The following DNAJC13 variants were observed in gnomAD, a reference collection of about 807,000 sequenced individuals.
The protein encoded by DNAJC13 is DnaJ heat shock protein family (Hsp40) member C13.
A neutral mutation model predicts 290.5 loss-of-function variants in DNAJC13; 75 were observed. The observed-to-expected ratio is 0.26, with a 90% CI of 0.21 to 0.31. The LOEUF is 0.31. DNAJC13 is among the 10% of genes least tolerant of loss of function. DNAJC13 has a pLI of 1.00. For missense variants in DNAJC13, 2,260 were observed against 2,674.5 expected (o/e 0.85, Z 3.42); for synonymous variants, 862 against 892.0 (o/e 0.97, Z 0.60).
chr3:132,470,611 G>A (rs1263543235), intron 20 of DNAJC13, among the ~76,000 whole-genome samples: 3 of 130,816 alleles, frequency 2.3e-5, no homozygotes, highest in East Asian at 4.7e-4. Context: ...TGGCCGGGCG[G>A]GGGGGCTGAC....
chr3:132,505,410 A>T lies in DNAJC13; in HGVS notation c.4993A>T (p.Lys1665Ter), dbSNP rs1431326559. The change falls in exon 42 of 56, where the codon AAA (lysine) becomes TAA (stop). Residue 1665 changes from lysine to a stop codon, truncating the protein, a stop_gained. Coordinates refer to ENST00000260818, the MANE Select transcript of DNAJC13 (RefSeq NM_015268.4). LOFTEE classifies it high-confidence loss of function. ...TGAATCCCAACAAGAAAACATGATT[A>T]AAAAAGTATGTTATTGTTTTATAAA... The part of the protein sequence containing the change: ...FLESQQENMI[K>*]KGDCDKTYGS... 18 of 1,568,444 alleles carry T rather than the reference A, an allele frequency of 1.1e-5. No homozygotes were observed. Among genetic ancestry groups the T allele is most frequent in the African/African-American group, 2.7e-5 (2 of 73,638 alleles).
In DNAJC13 at chr3:132,455,053, A is replaced by G. The variant is rs911481707; in HGVS notation, c.932+896A>G. 4.6e-5 allele frequency among the ~76,000 whole-genome samples: 7 copies of G among 152,218 alleles called. No homozygotes were observed. The East Asian group carries it at 1.3e-3, about 29-fold the overall frequency. ...TGTTAGTTAGACTTCATTAAAATTT[A>G]GAACTTTGACACCATTTAGAAAAAG... On this transcript the variant is annotated intron_variant, in intron 9 of 55. Transcript: ENST00000260818.
chr3:132,511,291 C>A, intron 44 of DNAJC13, 47 bp downstream of exon 44: 1 of 1,564,058 alleles, frequency 6.4e-7, no homozygotes, highest in South Asian at 1.2e-5. Flanking sequence ...AATACAGGAG[C>A]CCTAAAAATT....
chr3:132,517,980 A>G (rs948654796), intron 48 of DNAJC13, among the ~76,000 whole-genome samples: 4 of 152,220 alleles, frequency 2.6e-5, no homozygotes, highest in Non-Finnish European at 4.4e-5. Context: ...AAAATAGTTA[A>G]TATTGAATTT....
intron 1 of DNAJC13, among the ~76,000 whole-genome samples, chr3:132,429,881 A>G (rs1439841779): frequency 6.6e-6 from 1 of 152,140 alleles, no homozygotes; most frequent in East Asian, 1.9e-4. Flanking sequence ...CTAGCCTTTT[A>G]TTGGATGCAG....
At position 132,538,861 on chromosome 3, in the gene DNAJC13, A is replaced by G. The variant is rs999743416; in HGVS notation, c.*579A>G. On this transcript the variant is annotated 3_prime_UTR_variant, in exon 56 of 56. Coordinates refer to ENST00000260818, the MANE Select transcript of DNAJC13 (RefSeq NM_015268.4). ...TGAATGAAAAGGAGCTTGTGCAAAA[A>G]AATTTAAAAATGGATGTCAAGATGT... The G allele has an allele frequency of 2.0e-5, 3 of 152,484 alleles. No individual in the cohort carries two copies. Among genetic ancestry groups the G allele is most frequent in the Admixed American group, 6.5e-5 (1 of 15,276 alleles). The allele number at this position is 152,484 out of a possible 1,614,324, so 9.4% of individuals were successfully genotyped here.
chr3:132,456,185 C>A, intron 9 of DNAJC13, 50 bp from the exon 10 acceptor site: 1 of 1,561,636 alleles, frequency 6.4e-7, no homozygotes, highest in Non-Finnish European at 8.7e-7. Flanking sequence ...GATCAAAATT[C>A]CCCTTAATCA....
intron 35 of DNAJC13, among the ~76,000 whole-genome samples, chr3:132,495,824 TAAA>T (rs1441276463): frequency 6.6e-6 from 1 of 152,146 alleles, no homozygotes; most frequent in Non-Finnish European, 1.5e-5. Context: ...GTATTTTTAA[TAAA>T]AACCCTAGGG....
At chr3:132,483,243 C>A (rs1576490206) in intron 27 of DNAJC13, 132 bp from the exon 28 acceptor site, 3 of 957,044 alleles carry the variant, frequency 3.1e-6, no homozygotes, top group East Asian at 5.4e-5. Flanking sequence ...GTCAACAAAA[C>A]TTATTTTTTC....
chr3:132,418,069 A>T (rs1938846515), intron 1 of DNAJC13, among the ~76,000 whole-genome samples: 1 of 151,652 alleles, frequency 6.6e-6, no homozygotes, highest in African/African-American at 2.4e-5. Flanking sequence ...CAGGCTCTTC[A>T]TTCCCTTGTG....
intron 43 of DNAJC13, among the ~76,000 whole-genome samples, chr3:132,510,268 T>C (rs941853135): frequency 3.3e-5 from 5 of 152,194 alleles, no homozygotes; most frequent in African/African-American, 1.2e-4. Flanking sequence ...TAAAGATTTT[T>C]TTAGAAGATG....
chr3:132,480,571 A>G (rs1449368640), intron 26 of DNAJC13, 101 bp downstream of exon 26: 1 of 846,906 alleles, frequency 1.2e-6, no homozygotes, highest in African/African-American at 1.7e-5. Flanking sequence ...TCACACACTT[A>G]TTTTTCCAGT....
At position 132,511,142 on chromosome 3, in the gene DNAJC13, A is replaced by C; in HGVS notation, c.5191A>C (p.Ile1731Leu). The C allele has an allele frequency of 1.9e-6, 3 of 1,614,064 alleles. No individual in the cohort carries two copies. In the South Asian group the frequency reaches 3.3e-5, roughly 18 times the overall value. The change falls in exon 44 of 56, where the codon ATC (isoleucine) becomes CTC (leucine). Residue 1731 changes from isoleucine to leucine, a missense_variant. This residue lies in a region of DNAJC13 where 1,494 missense variants were observed against 1,693.7 expected (regional missense o/e 0.88). Coordinates refer to ENST00000260818, the MANE Select transcript of DNAJC13 (RefSeq NM_015268.4). Reference protein sequence around the residue: ...QAQYLHTFMAITHAAKVESEQ... With the variant: ...QAQYLHTFMALTHAAKVESEQ... The stretch of plus-strand genomic sequence containing the variant: ...CCAATACTTGCACACATTCATGGCC[A>C]TCACACACGCGGCAAAAGTGGAGTC...
At chr3:132,425,821 C>G (rs763650678) in intron 1 of DNAJC13, among the ~76,000 whole-genome samples, 11 of 152,102 alleles carry the variant, frequency 7.2e-5, no homozygotes, top group African/African-American at 1.9e-4. Context: ...TTGCTTAACA[C>G]AAGCCATGTG....
chr3:132,504,417 C>T (rs1935523922), intron 41 of DNAJC13, among the ~76,000 whole-genome samples: 1 of 151,686 alleles, frequency 6.6e-6, no homozygotes, highest in Non-Finnish European at 1.5e-5. Context: ...ACTTTTTGCT[C>T]ACCAATGTGA....
At chr3:132,497,771 G>T (rs1374160595) in intron 36 of DNAJC13, among the ~76,000 whole-genome samples, 2 of 151,968 alleles carry the variant, frequency 1.3e-5, no homozygotes, top group African/African-American at 4.8e-5. Context: ...CCCAAGAGGG[G>T]TTTATACCCA....
In DNAJC13 at chr3:132,494,277, C is replaced by T; in HGVS notation, c.3941+18C>T. 1.3e-6 allele frequency: 2 copies of T among 1,550,824 alleles called. No individual in the cohort carries two copies. Among genetic ancestry groups the T allele is most frequent in the Non-Finnish European group, 1.8e-6 (2 of 1,123,484 alleles). ...CAGGGACCGTGAGTTGTTTTCAGTA[C>T]AATAGCAAATGTCTGTCCCACCTTA... On this transcript the variant is annotated intron_variant, in intron 34 of 55. Transcript: ENST00000260818.
chr3:132,458,908 T>C (rs973174495), intron 13 of DNAJC13, among the ~76,000 whole-genome samples: 2 of 152,228 alleles, frequency 1.3e-5, no homozygotes, highest in Non-Finnish European at 2.9e-5. Context: ...TTGCTATTTC[T>C]AAACATGATG....
chr3:132,456,968 G>C, intron 12 of DNAJC13, 136 bp downstream of exon 12: 1 of 1,055,904 alleles, frequency 9.5e-7, no homozygotes, highest in Non-Finnish European at 1.3e-6. Flanking sequence ...TTATTCATGA[G>C]AAATGAAAAA....
Sources: gnomAD v4.1 joint callset for allele counts (sites outside exome capture counted in the v4.1 genomes callset) on GRCh38, gnomAD v4.1.1 for gene constraint, gnomAD v4.1.1 regional missense constraint, MANE v1.5 for transcripts, NCBI Gene and HGNC (gene_info 2026-07-23, HGNC 2026-07-21) for gene names.